Variants in FBXW11 observed in about 807,000 individuals in gnomAD.
The protein encoded by FBXW11 is F-box/WD repeat-containing protein 11.
Under a neutral mutation model 77.6 loss-of-function variants are expected in FBXW11, and 19 were observed. That is an observed-to-expected ratio of 0.24 (90% CI 0.17 to 0.36). FBXW11 has a LOEUF of 0.36. FBXW11 is among the 10% of genes least tolerant of loss of function. The pLI is 1.00. For missense variants in FBXW11, 334 were observed against 704.2 expected (o/e 0.47, Z 5.95); for synonymous variants, 235 against 249.4 (o/e 0.94, Z 0.54).
chr5:171,958,574 CTTAT>C (rs891728720), intron 1 of FBXW11, among the ~76,000 whole-genome samples: 2 of 152,122 alleles, frequency 1.3e-5, no homozygotes, highest in Non-Finnish European at 2.9e-5. Flanking sequence ...AATTAAAAAG[CTTAT>C]TTAATTTACC....
intron 1 of FBXW11, among the ~76,000 whole-genome samples, chr5:171,995,577 C>T (rs1765992382): frequency 6.6e-6 from 1 of 151,990 alleles, no homozygotes; most frequent in African/African-American, 2.4e-5. Context: ...CACGGTGAAA[C>T]CCCATCTCTA....
chr5:171,937,466 T>C (rs901268780), intron 2 of FBXW11, among the ~76,000 whole-genome samples: 5 of 152,280 alleles, frequency 3.3e-5, no homozygotes, highest in Admixed American at 3.3e-4. Flanking sequence ...AACTCTTCTG[T>C]TATAGGATGA....
At chr5:171,984,461 C>G (rs1260156527) in intron 1 of FBXW11, among the ~76,000 whole-genome samples, 2 of 152,200 alleles carry the variant, frequency 1.3e-5, no homozygotes, top group African/African-American at 4.8e-5. Flanking sequence ...TACTTCATGT[C>G]TATCTCCCTC....
At chr5:171,943,709 A>C (rs1300983257) in intron 2 of FBXW11, among the ~76,000 whole-genome samples, 1 of 152,218 alleles carries the variant, frequency 6.6e-6, no homozygotes, top group East Asian at 1.9e-4. Flanking sequence ...TCGGCCTCCC[A>C]AAGTGCTGCG....
chr5:171,932,048 T>C (rs1202376153), intron 2 of FBXW11, among the ~76,000 whole-genome samples: 1 of 151,978 alleles, frequency 6.6e-6, no homozygotes, highest in Non-Finnish European at 1.5e-5. Context: ...CTAATTTTTG[T>C]ATATTTTGTG....
intron 6 of FBXW11, among the ~76,000 whole-genome samples, chr5:171,895,604 A>C (rs1000149477): frequency 2.0e-5 from 3 of 152,216 alleles, no homozygotes; most frequent in African/African-American, 7.2e-5. Flanking sequence ...CACTACTCAA[A>C]TGGCAAAAGA....
chr5:171,976,204 T>G lies in FBXW11; in HGVS notation c.46-18506A>C, dbSNP rs77037562. On this transcript the variant is annotated intron_variant, in intron 1 of 13. Coordinates refer to ENST00000517395, the MANE Select transcript of FBXW11 (RefSeq NM_001378974.1). ...TCAACGACAGTTTTAAAATCTGGTT[T>G]AGAACCAGAGAGGGGAGAGGGGATG... 8.0e-3 allele frequency among the ~76,000 whole-genome samples: 1,223 copies of G among 152,254 alleles called. 7 individuals are homozygous for G. The highest frequency in any genetic ancestry group is 0.017 in the South Asian group (83 of 4,816).
At position 171,952,449 on chromosome 5, in the gene FBXW11, T is replaced by A. The variant is rs538854910; in HGVS notation, c.147+5148A>T. Among the ~76,000 whole-genome samples, 70 of 10,916 alleles carry A rather than the reference T, an allele frequency of 6.4e-3. 4 individuals are homozygous for A. The highest frequency in any genetic ancestry group is 0.05 in the South Asian group (3 of 60). The allele number at this position is 10,916 out of a possible 152,430, so 7.2% of individuals were successfully genotyped here. On this transcript the variant is annotated intron_variant, in intron 2 of 13. Transcript: ENST00000517395. ...TATATATATATATATATATATATATTTTTTTTTTTTTTTTTTTTTTTGAGA... is the reference window on the plus strand; with the variant it reads ...TATATATATATATATATATATATATATTTTTTTTTTTTTTTTTTTTTGAGA...
chr5:171,901,338 A>C (rs1346942309), intron 4 of FBXW11, among the ~76,000 whole-genome samples: 1 of 152,200 alleles, frequency 6.6e-6, no homozygotes, highest in Non-Finnish European at 1.5e-5. Context: ...TAAATTATTA[A>C]ACTTTCAGAG....
intron 1 of FBXW11, among the ~76,000 whole-genome samples, chr5:171,978,869 C>T (rs1188880156): frequency 1.3e-5 from 2 of 152,132 alleles, no homozygotes; most frequent in African/African-American, 4.8e-5. Context: ...TAGCCACAAA[C>T]ATTAGAAAAA....
chr5:171,967,883 T>TATATATATATATAC (rs1244744249), intron 1 of FBXW11, among the ~76,000 whole-genome samples: 7 of 74,978 alleles, frequency 9.3e-5, no homozygotes, highest in African/African-American at 4.1e-4. Context: ...TATATATATA[T>TATATATATATATAC]ACACACACAC....
At chr5:171,988,353 A>C (rs1765555918) in intron 1 of FBXW11, among the ~76,000 whole-genome samples, 1 of 151,792 alleles carries the variant, frequency 6.6e-6, no homozygotes, top group African/African-American at 2.4e-5. Context: ...ACAAACAAAA[A>C]AAACAGTGAT....
At chr5:171,955,253 G>A (rs2113301900) in intron 2 of FBXW11, among the ~76,000 whole-genome samples, 1 of 152,250 alleles carries the variant, frequency 6.6e-6, no homozygotes, top group South Asian at 2.1e-4. Context: ...CAGGTCAATG[G>A]GCTCAAGTTG....
In FBXW11 at chr5:171,900,178, G is replaced by A; in HGVS notation, c.437-78C>T. The A allele has an allele frequency of 7.1e-6, 9 of 1,267,922 alleles. No homozygotes were observed. In the South Asian group the frequency reaches 1.4e-4, roughly 20 times the overall value. 78.5% of individuals were successfully genotyped at this position (1,267,922 alleles called of 1,614,324 possible). On this transcript the variant is annotated intron_variant, in intron 4 of 13. Transcript: ENST00000517395. Reference sequence around the variant, plus strand: ...AGCCATCATTTCCTTAAAGATAAGAGGAATAAAGAAATCCTGAACCAAGTA... The same window carrying A: ...AGCCATCATTTCCTTAAAGATAAGAAGAATAAAGAAATCCTGAACCAAGTA...
chr5:171,896,417 C>A (rs1464798726), intron 6 of FBXW11, among the ~76,000 whole-genome samples: 3 of 152,154 alleles, frequency 2.0e-5, no homozygotes, highest in African/African-American at 4.8e-5. Flanking sequence ...CATAACTGGA[C>A]TAAAACAGGG....
At position 171,869,485 on chromosome 5, in the gene FBXW11, A is replaced by G. The variant is rs182097006; in HGVS notation, c.1530+244T>C. Reference sequence around the variant, plus strand: ...GCTTGCCCTATGAGGAAACCAGTCCACCTACAAATCAGGAAGCCTGCCTTC... The same window carrying G: ...GCTTGCCCTATGAGGAAACCAGTCCGCCTACAAATCAGGAAGCCTGCCTTC... On this transcript the variant is annotated intron_variant, in intron 12 of 13. Coordinates refer to ENST00000517395, the MANE Select transcript of FBXW11 (RefSeq NM_001378974.1). The surrounding 1 kb of genome is among the most constrained non-coding windows in gnomAD (Gnocchi z 4.1). Among the ~76,000 whole-genome samples the G allele has an allele frequency of 1.9e-3, 297 of 152,316 alleles. No homozygotes were observed. The highest frequency in any genetic ancestry group is 7.0e-3 in the African/African-American group (292 of 41,560).
At chr5:171,897,068 C>G (rs551158690) in intron 6 of FBXW11, among the ~76,000 whole-genome samples, 1 of 152,184 alleles carries the variant, frequency 6.6e-6, no homozygotes, top group Admixed American at 6.5e-5. Context: ...TGATCACAGA[C>G]TCTCAATTAC....
At chr5:171,883,230 T>C (rs537393453) in intron 7 of FBXW11, among the ~76,000 whole-genome samples, 11 of 152,374 alleles carry the variant, frequency 7.2e-5, no homozygotes, top group African/African-American at 2.4e-4. Context: ...CAATTGTGAA[T>C]TGTGCTGCTA....
At chr5:171,897,771 AAC>A (rs1168243538) in intron 6 of FBXW11, among the ~76,000 whole-genome samples, 2 of 152,112 alleles carry the variant, frequency 1.3e-5, no homozygotes, top group East Asian at 1.9e-4. Context: ...GAAAAAAAAA[AAC>A]AGAGGGTAAT....
Sources: gnomAD v4.1 joint callset for allele counts (sites outside exome capture counted in the v4.1 genomes callset) on GRCh38, gnomAD v4.1.1 for gene constraint, Gnocchi (gnomAD v3.1) non-coding constraint, MANE v1.5 for transcripts, NCBI Gene and HGNC (gene_info 2026-07-23, HGNC 2026-07-21) for gene names.